FGF13: variants seen among roughly 807,000 people sequenced by gnomAD.
FGF13 encodes the protein fibroblast growth factor 13, also known as fibroblast growth factor homologous factor 2.
Under a neutral mutation model 19.5 loss-of-function variants are expected in FGF13, and 2 were observed. That is an observed-to-expected ratio of 0.10 (90% confidence interval 0.04 to 0.32). FGF13 has a LOEUF of 0.32. Ranked by LOEUF, FGF13 falls within the 10% of genes least tolerant of loss-of-function variation. The probability of loss-of-function intolerance (pLI) is 1.00; values close to 1 mark genes in which losing one functional copy is unlikely to be tolerated. For synonymous variants in FGF13, 72 were observed against 76.9 expected (o/e 0.94, Z 0.33); for missense variants, 113 against 192.7 (o/e 0.59, Z 2.45).
chrX:139,112,762 C>T (rs187376500), intron 1 of FGF13, among the ~76,000 whole-genome samples: 3 of 111,970 alleles, frequency 2.7e-5, no homozygotes, highest in Non-Finnish European at 3.8e-5. Flanking sequence ...TACACAGTAC[C>T]GGCTAATGTC....
In FGF13 at chrX:139,200,125, T is replaced by C. The variant is rs532452292; in HGVS notation, c.-113+3291A>G. ...CACTGTATGTAAAACCATGGGACCA[T>C]GATGTCAGAGTGAAAAAAACAAGTC... On this transcript the variant is annotated intron_variant, in intron 1 of 2. Coordinates refer to the FGF13 transcript ENST00000421460. Among the ~76,000 whole-genome samples, 7 of 111,823 alleles carry C rather than the reference T, an allele frequency of 6.3e-5. No homozygotes were observed. In the South Asian group the frequency reaches 2.7e-3, roughly 43 times the overall value.
intron 1 of FGF13, among the ~76,000 whole-genome samples, chrX:138,729,218 T>A (rs1293172498): frequency 9.0e-6 from 1 of 111,182 alleles, no homozygotes; most frequent in Non-Finnish European, 1.9e-5. Context: ...TATGGGATTA[T>A]CAAACAGGGA....
chrX:138,981,146 GC>G lies in FGF13; in HGVS notation c.-112-116497del, dbSNP rs112564150. 2.0e-3 allele frequency among the ~76,000 whole-genome samples: 226 copies of G among 111,292 alleles called. 2 individuals are homozygous for G. Among genetic ancestry groups the G allele is most frequent in the African/African-American group, 7.3e-3 (222 of 30,595 alleles). ...AAGGGACATCTGAGGAGATTCTAGG[GC>G]CAATAAGAAAAGCTTTTTGGACAAA... On this transcript the variant is annotated intron_variant, in intron 1 of 2. Transcript: ENST00000421460.
chrX:138,976,213 G>A (rs772387188), intron 1 of FGF13, among the ~76,000 whole-genome samples: 9 of 111,107 alleles, frequency 8.1e-5, no homozygotes, highest in Non-Finnish European at 1.7e-4. Flanking sequence ...CGTTTACGCT[G>A]GAAACATGTG....
chrX:138,887,572 G>A (rs1020158760), intron 1 of FGF13, among the ~76,000 whole-genome samples: 5 of 111,414 alleles, frequency 4.5e-5, no homozygotes, highest in South Asian at 3.9e-4. Context: ...ATAAACTCCC[G>A]CTACTTCCCC....
chrX:138,890,063 G>C (rs1036330433), intron 1 of FGF13, among the ~76,000 whole-genome samples: 1 of 109,834 alleles, frequency 9.1e-6, no homozygotes, highest in African/African-American at 3.3e-5. Context: ...CAAGTAGCTG[G>C]GATTACAGGC....
chrX:138,625,498 CATATATATATATAATATAATATAT>C lies in FGF13; in HGVS notation c.*7328_*7351del, dbSNP rs2089053255. 2.3e-5 allele frequency: 2 copies of C among 85,898 alleles called. No homozygotes were observed. Among genetic ancestry groups the C allele is most frequent in the African/African-American group, 1.1e-4 (2 of 18,379 alleles). 7.1% of individuals were successfully genotyped at this position (85,898 alleles called of 1,213,427 possible). On this transcript the variant is annotated 3_prime_UTR_variant, in exon 5 of 5. Transcript: ENST00000315930. Reference sequence around the variant, plus strand: ...TATATATATATAATATATATATATACATATATATATATAATATAATATATATATATATCTTAGCCATATAAAGAG... The same window carrying C: ...TATATATATATAATATATATATATACATATATATCTTAGCCATATAAAGAG...
intron 1 of FGF13, among the ~76,000 whole-genome samples, chrX:139,007,370 AG>A (rs2092106862): frequency 9.0e-6 from 1 of 111,692 alleles, no homozygotes; most frequent in Non-Finnish European, 1.9e-5. Context: ...TCAGAGCTAA[AG>A]GGAGACAGAC....
intron 3 of FGF13, among the ~76,000 whole-genome samples, chrX:138,819,175 AC>A (rs2090982195): frequency 9.0e-6 from 1 of 111,630 alleles, no homozygotes; most frequent in Non-Finnish European, 1.9e-5. Flanking sequence ...TCTGCTACTT[AC>A]TTCTTATGTA....
intron 1 of FGF13, among the ~76,000 whole-genome samples, chrX:139,000,145 C>G (rs187606577): frequency 4.9e-4 from 55 of 111,786 alleles, no homozygotes; most frequent in Middle Eastern, 4.6e-3. Flanking sequence ...GCCCTTCATG[C>G]TAAAAACTCT....
intron 3 of FGF13, among the ~76,000 whole-genome samples, chrX:138,678,151 G>A (rs1376304439): frequency 1.8e-5 from 2 of 111,115 alleles, no homozygotes; most frequent in African/African-American, 6.6e-5. Context: ...GACACAGGAA[G>A]GGGAACATCA....
chrX:138,969,270 G>A (rs1472995424), intron 1 of FGF13, among the ~76,000 whole-genome samples: 1 of 111,938 alleles, frequency 8.9e-6, no homozygotes, highest in Non-Finnish European at 1.9e-5. Context: ...TTAAGTTATT[G>A]CTGTAACCTT....
intron 1 of FGF13, among the ~76,000 whole-genome samples, chrX:139,060,134 G>A (rs1433302618): frequency 9.0e-6 from 1 of 111,263 alleles, no homozygotes; most frequent in Non-Finnish European, 1.9e-5. Context: ...TGGGGACCTT[G>A]GATCATATGT....
At chrX:139,042,449 A>G in intron 1 of FGF13, among the ~76,000 whole-genome samples, 1 of 111,827 alleles carries the variant, frequency 8.9e-6, no homozygotes, top group Non-Finnish European at 1.9e-5. Context: ...TAATGCCTGC[A>G]CTCAGTTTAG....
intron 1 of FGF13, among the ~76,000 whole-genome samples, chrX:138,908,394 T>C (rs1178873099): frequency 9.2e-6 from 1 of 108,406 alleles, no homozygotes; most frequent in African/African-American, 3.4e-5. Context: ...TCTTTTTTTT[T>C]TTTTTCAATT....
intron 1 of FGF13, among the ~76,000 whole-genome samples, chrX:139,030,285 A>G (rs2092221601): frequency 9.0e-6 from 1 of 111,613 alleles, no homozygotes; most frequent in Non-Finnish European, 1.9e-5. Context: ...CTGAGCAGCT[A>G]AGCCTTAACG....
chrX:138,995,543 C>T (rs2124352542), intron 1 of FGF13, among the ~76,000 whole-genome samples: 1 of 112,138 alleles, frequency 8.9e-6, no homozygotes, highest in African/African-American at 3.2e-5. Context: ...TTCCCACAAA[C>T]AAATGAGAAC....
upstream of FGF13, among the ~76,000 whole-genome samples, chrX:138,742,525 C>T (rs1303454670): frequency 1.8e-5 from 2 of 110,553 alleles, no homozygotes; most frequent in African/African-American, 3.3e-5. Flanking sequence ...TGCCAATTGA[C>T]GAATAATACC....
intron 3 of FGF13, among the ~76,000 whole-genome samples, chrX:138,800,197 T>C (rs1241926957): frequency 8.9e-6 from 1 of 112,148 alleles, no homozygotes; most frequent in East Asian, 2.8e-4. Flanking sequence ...GATATGTTTT[T>C]GCAGTGGCTG....
Sources: allele counts gnomAD v4.1 joint callset (sites outside exome capture counted in the v4.1 genomes callset), GRCh38; gene constraint gnomAD v4.1.1; transcripts MANE v1.5; gene names NCBI Gene and HGNC (gene_info 2026-07-23, HGNC 2026-07-21).